Variants in CHN1 observed in about 807,000 individuals in gnomAD.
CHN1 encodes chimerin 1.
In CHN1, 37 loss-of-function variants were observed where a neutral mutation model predicts 59.5. The observed-to-expected ratio is 0.62, with a 90% CI of 0.48 to 0.82. CHN1 has a LOEUF of 0.82. CHN1 is among the 40% of genes least tolerant of loss of function. The probability of loss-of-function intolerance (pLI) is 0.00; values close to 1 mark genes in which losing one functional copy is unlikely to be tolerated. For missense variants in CHN1, 469 were observed against 571.0 expected, an observed-to-expected ratio of 0.82 and a Z score of 1.82; for synonymous variants, 206 against 200.4, an observed-to-expected ratio of 1.03 and a Z score of -0.24.
chr2:174,894,370 A>G (rs1396398725), intron 5 of CHN1, among the ~76,000 whole-genome samples: 2 of 152,190 alleles, frequency 1.3e-5, no homozygotes, highest in African/African-American at 4.8e-5. Context: ...ATATGAAAAG[A>G]TGTCCAACAT....
chr2:174,833,089 T>C (rs931816547), intron 7 of CHN1, among the ~76,000 whole-genome samples: 81 of 152,274 alleles, frequency 5.3e-4, no homozygotes, highest in African/African-American at 1.9e-3. Context: ...ACTTGAAAAG[T>C]ATGTGTATCC....
At chr2:174,853,421 C>T (rs751374589) in intron 6 of CHN1, among the ~76,000 whole-genome samples, 1 of 152,002 alleles carries the variant, frequency 6.6e-6, no homozygotes, top group Non-Finnish European at 1.5e-5. Flanking sequence ...GTCAGAAATG[C>T]TATTATTTAA....
At chr2:174,813,331 G>C (rs1161618192) in intron 8 of CHN1, among the ~76,000 whole-genome samples, 4 of 152,170 alleles carry the variant, frequency 2.6e-5, no homozygotes, top group Admixed American at 2.6e-4. Flanking sequence ...TGAGGTATGG[G>C]GAAAGGGGTG....
At chr2:174,843,596 G>C (rs1458984154) in intron 7 of CHN1, among the ~76,000 whole-genome samples, 1 of 151,646 alleles carries the variant, frequency 6.6e-6, no homozygotes, top group South Asian at 2.1e-4. Flanking sequence ...CAGTCCCCAC[G>C]ATCATGCTAA....
In CHN1 at chr2:174,918,553, G is replaced by C. The variant is rs1349330974; in HGVS notation, c.127C>G (p.Pro43Ala). 8 of 1,589,378 alleles carry C rather than the reference G, an allele frequency of 5.0e-6. No individual in the cohort carries two copies. The highest frequency in any genetic ancestry group is 6.9e-6 in the Non-Finnish European group (8 of 1,166,768). ...ITCTCEVENR[P>A]KYYGREFHGM... ...ACTTACTCTCTTCCATAATACTTTG[G>C]TCTGTTTTCCACCTATTGGGAAAGC... is the stretch of plus-strand genomic sequence containing the variant. The change falls in exon 4 of 13, where the codon CCA becomes GCA. Residue 43 changes from proline (P) to alanine (A), a missense_variant. Pro to Ala is a conservative substitution (Grantham distance 27). Transcript: ENST00000409900.
intron 1 of CHN1, among the ~76,000 whole-genome samples, chr2:174,984,323 G>A (rs891559474): frequency 2.1e-4 from 29 of 141,452 alleles, no homozygotes; most frequent in Admixed American, 7.8e-4. Flanking sequence ...TTAAATTAAC[G>A]TTTCTATAAA....
intron 3 of CHN1, 110 bp downstream of exon 3, chr2:174,944,778 A>G (rs1689776413): frequency 4.6e-6 from 3 of 658,052 alleles, no homozygotes; most frequent in South Asian, 4.4e-5. Context: ...TATCATATCG[A>G]TTAGTGTTAA....
chr2:174,861,348 T>G (rs890496497), intron 6 of CHN1, among the ~76,000 whole-genome samples: 10 of 152,198 alleles, frequency 6.6e-5, no homozygotes, highest in Non-Finnish European at 1.5e-4. Flanking sequence ...ATTGATACTG[T>G]TATCATCATT....
chr2:174,839,928 A>T (rs960743672), intron 7 of CHN1, among the ~76,000 whole-genome samples: 10 of 151,864 alleles, frequency 6.6e-5, no homozygotes, highest in Non-Finnish European at 1.2e-4. Context: ...AAGAGGGTAG[A>T]TCTCATGTGA....
At chr2:174,993,043 G>A (rs1691595896) in intron 1 of CHN1, among the ~76,000 whole-genome samples, 2 of 152,086 alleles carry the variant, frequency 1.3e-5, no homozygotes, top group African/African-American at 2.4e-5. Flanking sequence ...TTCAGCTTCA[G>A]CCTCCCAAAC....
chr2:174,945,122 G>A (rs1356791598), intron 2 of CHN1, 179 bp from the exon 3 acceptor site: 11 of 537,230 alleles, frequency 2.0e-5, no homozygotes, highest in African/African-American at 5.8e-5. Context: ...TGAAAGCCCA[G>A]GAGCAATTCA....
intron 5 of CHN1, among the ~76,000 whole-genome samples, chr2:174,896,259 T>G (rs1165153263): frequency 1.3e-5 from 2 of 152,170 alleles, no homozygotes; most frequent in African/African-American, 4.8e-5. Context: ...GTATTAGATA[T>G]GCTAAAGATT....
At chr2:174,891,807 A>G (rs1403637103) in intron 5 of CHN1, among the ~76,000 whole-genome samples, 1 of 152,096 alleles carries the variant, frequency 6.6e-6, no homozygotes, top group Non-Finnish European at 1.5e-5. Context: ...GACACTAGAA[A>G]AACAACAGAG....
At chr2:174,977,829 A>G (rs1019894047) in intron 1 of CHN1, among the ~76,000 whole-genome samples, 8 of 152,202 alleles carry the variant, frequency 5.3e-5, no homozygotes, top group African/African-American at 1.9e-4. Context: ...GTGGGTTATC[A>G]AAATTTATTA....
Position 174,944,901 on chromosome 2 carries a change from G to A in CHN1, c.101C>T (p.Thr34Ile), listed in dbSNP as rs1294929523. Reference sequence around the variant, plus strand: ...CATTACACCCACCTCGCAAGTACAGGTAATTCTTCGAGGATGAGGGGCTTC... The same window carrying A: ...CATTACACCCACCTCGCAAGTACAGATAATTCTTCGAGGATGAGGGGCTTC... ...QQEAPHPRRITCTCEVENRPK... is the reference protein window; with the variant it reads ...QQEAPHPRRIICTCEVENRPK... The change falls in exon 3 of 13, where the codon ACC becomes ATC. Residue 34 changes from threonine to isoleucine, a missense_variant. Thr to Ile is a moderately conservative substitution (Grantham distance 89). Around this residue, in one of 5 missense-constraint regions of CHN1, gnomAD observed 152 missense variants for 166.1 expected, o/e 0.92. Coordinates refer to ENST00000409900, the MANE Select transcript of CHN1 (RefSeq NM_001822.7). 2 of 1,582,520 alleles carry A rather than the reference G, an allele frequency of 1.3e-6. No individual in the cohort carries two copies. Among genetic ancestry groups the A allele is most frequent in the East Asian group, 4.6e-5 (2 of 43,918 alleles).
chr2:174,876,049 C>T (rs1316991908), intron 6 of CHN1, among the ~76,000 whole-genome samples: 2 of 152,184 alleles, frequency 1.3e-5, no homozygotes, highest in East Asian at 3.8e-4. Context: ...CAGCACAAAA[C>T]AAGACCAGGG....
At chr2:174,834,536 A>G (rs1442652001) in intron 7 of CHN1, among the ~76,000 whole-genome samples, 1 of 152,202 alleles carries the variant, frequency 6.6e-6, no homozygotes, top group Non-Finnish European at 1.5e-5. Flanking sequence ...TAAATATAGG[A>G]TTCAAGGTTA....
At position 174,954,704 on chromosome 2, in the gene CHN1, C is replaced by T. The variant is rs112812857; in HGVS notation, c.20-2502G>A. Among the ~76,000 whole-genome samples the T allele has an allele frequency of 3.9e-3, 592 of 152,224 alleles. 2 individuals carry two copies. Among genetic ancestry groups the T allele is most frequent in the African/African-American group, 0.013 (555 of 41,526 alleles). ...AAACATGAAAAAATGTTCAACATCA[C>T]TAATTATCAGGGAAATGCAAATCAA... is the stretch of plus-strand genomic sequence containing the variant. On this transcript the variant is annotated intron_variant, in intron 1 of 12. Transcript: ENST00000409900.
At chr2:174,825,473 T>C (rs1051433694) in intron 7 of CHN1, among the ~76,000 whole-genome samples, 1 of 152,160 alleles carries the variant, frequency 6.6e-6, no homozygotes, top group African/African-American at 2.4e-5. Flanking sequence ...ATTTGATTTC[T>C]TTTCCTTAAA....
Sources: allele counts gnomAD v4.1 joint callset (sites outside exome capture counted in the v4.1 genomes callset), GRCh38; gene constraint gnomAD v4.1.1; regional missense constraint gnomAD v4.1.1; transcripts MANE v1.5; gene names NCBI Gene and HGNC (gene_info 2026-07-23, HGNC 2026-07-21).